ATRX: variants seen among roughly 807,000 people sequenced by gnomAD.
ATRX encodes the protein chromatin remodeler ATRX.
Under a neutral mutation model 172.6 loss-of-function variants are expected in ATRX, and 12 were observed. That is an observed-to-expected ratio of 0.07 (90% CI 0.04 to 0.11). The LOEUF (loss-of-function observed/expected upper bound fraction) is 0.11, where lower values mean the gene tolerates loss of function less well. ATRX is among the 10% of genes least tolerant of loss of function. The pLI is 1.00. For synonymous variants in ATRX, 674 were observed against 594.7 expected (o/e 1.13, Z -1.94); for missense variants, 1,368 against 1,767.4 (o/e 0.77, Z 4.05).
chrX:77,729,929 C>T (rs1260399063), intron 1 of ATRX, among the ~76,000 whole-genome samples: 7 of 111,532 alleles, frequency 6.3e-5, no homozygotes, highest in Non-Finnish European at 1.3e-4. Flanking sequence ...AGAGCAAGAC[C>T]GTCTCGGAAA....
At chrX:77,701,868 C>T (rs781964848) in intron 2 of ATRX, among the ~76,000 whole-genome samples, 21 of 110,740 alleles carry the variant, frequency 1.9e-4, no homozygotes, top group African/African-American at 6.2e-4. Context: ...GAGTTCAAGA[C>T]CAGCCTAGCC....
rs138986045 is a variant in ATRX, at chrX:77,638,333, C to T, written c.4558-2277G>A. ...AATAACAACAACAAAATTAGCCAAGCGCAGTGGCGCGCGCCTATAGTCCCA... is the reference window on the plus strand; with the variant it reads ...AATAACAACAACAAAATTAGCCAAGTGCAGTGGCGCGCGCCTATAGTCCCA... On this transcript the variant is annotated intron_variant, in intron 15 of 34. Transcript: ENST00000373344. Among the ~76,000 whole-genome samples, 84 of 112,269 alleles carry T rather than the reference C, an allele frequency of 7.5e-4. 2 individuals are homozygous for T. The East Asian group carries it at 0.021, about 29-fold the overall frequency.
chrX:77,639,128 C>T (rs2068532246), intron 15 of ATRX, among the ~76,000 whole-genome samples: 1 of 111,877 alleles, frequency 8.9e-6, no homozygotes, highest in African/African-American at 3.3e-5. Flanking sequence ...TATAAACACC[C>T]TGCATAATCC....
At chrX:77,592,719 G>A (rs1339862794) in intron 26 of ATRX, among the ~76,000 whole-genome samples, 4 of 109,192 alleles carry the variant, frequency 3.7e-5, no homozygotes, top group Non-Finnish European at 7.6e-5. Flanking sequence ...GGCTCAGGCA[G>A]GAGAATCACT....
At chrX:77,778,953 A>T (rs2076467217) in intron 1 of ATRX, among the ~76,000 whole-genome samples, 1 of 108,330 alleles carries the variant, frequency 9.2e-6, no homozygotes, top group Admixed American at 1.0e-4. Context: ...TTTGAAACGG[A>T]GTCTCGCTCT....
At chrX:77,723,639 T>G (rs1557170638) in intron 1 of ATRX, among the ~76,000 whole-genome samples, 1 of 111,693 alleles carries the variant, frequency 9.0e-6, no homozygotes, top group East Asian at 2.8e-4. Context: ...ATCAGGTCAC[T>G]GTGTCCTTAA....
Position 77,507,449 on chromosome X carries a change from A to C in ATRX, c.*902T>G, listed in dbSNP as rs1269219352. ...ACAACTTCAGTGTTAACCTACTAAA[A>C]TGCTAGAACTTGATTTTCTAAGTCC... On this transcript the variant is annotated 3_prime_UTR_variant, in exon 35 of 35. Coordinates refer to ENST00000373344, the MANE Select transcript of ATRX (RefSeq NM_000489.6). 2.3e-5 allele frequency: 4 copies of C among 172,318 alleles called. No individual in the cohort carries two copies. Among genetic ancestry groups the C allele is most frequent in the Admixed American group, 8.0e-5 (1 of 12,534 alleles). The allele number at this position is 172,318 out of a possible 1,213,427, so 14.2% of individuals were successfully genotyped here.
At chrX:77,782,582 G>A (rs1447991947) in intron 1 of ATRX, among the ~76,000 whole-genome samples, 1 of 110,299 alleles carries the variant, frequency 9.1e-6, no homozygotes, top group African/African-American at 3.3e-5. Flanking sequence ...GTGAAACCCC[G>A]TCTCTACTAA....
intron 1 of ATRX, among the ~76,000 whole-genome samples, chrX:77,724,008 C>T (rs1001031897): frequency 9.9e-5 from 11 of 111,494 alleles, no homozygotes; most frequent in African/African-American, 1.6e-4. Flanking sequence ...AGGCCAGGCA[C>T]GGTAGCTCAC....
chrX:77,652,495 AT>A, intron 14 of ATRX, 142 bp from the exon 15 acceptor site: 1 of 499,772 alleles, frequency 2.0e-6, no homozygotes, highest in Non-Finnish European at 3.0e-6. Flanking sequence ...ATAGAGTAGT[AT>A]TAAAAAAAAA....
chrX:77,684,854 T>A, intron 8 of ATRX, 85 bp downstream of exon 8: 1 of 914,442 alleles, frequency 1.1e-6, no homozygotes, highest in South Asian at 2.0e-5. Context: ...GACGATACTA[T>A]GAAAGACAAA....
intron 28 of ATRX, among the ~76,000 whole-genome samples, chrX:77,564,881 C>T (rs2065144059): frequency 9.0e-6 from 1 of 111,523 alleles, no homozygotes; most frequent in African/African-American, 3.3e-5. Context: ...CAGCTGAATC[C>T]TCACCTTTCT....
At position 77,782,039 on chromosome X, in the gene ATRX, G is replaced by T. The variant is rs782234755; in HGVS notation, c.20+3943C>A. On this transcript the variant is annotated intron_variant, in intron 1 of 34. Coordinates refer to ENST00000373344, the MANE Select transcript of ATRX (RefSeq NM_000489.6). ...AAAGCTCAAGGCCAACTATGCCAAG[G>T]GTGGCCAATAATAAAACTGGGCCTG... Among the ~76,000 whole-genome samples the T allele has an allele frequency of 6.3e-4, 71 of 111,832 alleles. 1 individual carries two copies. The highest frequency in any genetic ancestry group is 4.7e-3 in the Middle Eastern group (1 of 215).
chrX:77,622,390 C>A, intron 19 of ATRX, among the ~76,000 whole-genome samples: 1 of 111,157 alleles, frequency 9.0e-6, no homozygotes, highest in Non-Finnish European at 1.9e-5. Flanking sequence ...TGGAGAAATT[C>A]CTGACTTTAG....
chrX:77,758,998 G>A, intron 1 of ATRX, among the ~76,000 whole-genome samples: 1 of 111,499 alleles, frequency 9.0e-6, no homozygotes, highest in East Asian at 2.8e-4. Flanking sequence ...CTACTAATAA[G>A]ATACATAACA....
intron 19 of ATRX, among the ~76,000 whole-genome samples, chrX:77,623,075 G>GAAACA (rs782440629): frequency 2.7e-5 from 3 of 111,052 alleles, no homozygotes; most frequent in African/African-American, 9.8e-5. Flanking sequence ...AAATGAAATT[G>GAAACA]AAACAAAACA....
intron 17 of ATRX, 117 bp downstream of exon 17, chrX:77,634,477 T>C: frequency 1.7e-6 from 1 of 601,148 alleles, no homozygotes; most frequent in South Asian, 2.7e-5. Flanking sequence ...CAGATCTTGT[T>C]ATTCTTGTTC....
intron 1 of ATRX, among the ~76,000 whole-genome samples, chrX:77,732,740 C>A (rs782043988): frequency 9.0e-6 from 1 of 110,916 alleles, no homozygotes; most frequent in South Asian, 3.8e-4. Flanking sequence ...TGATAAAAAC[C>A]CTCAAAAAAA....
intron 1 of ATRX, among the ~76,000 whole-genome samples, chrX:77,775,827 C>A (rs1163188044): frequency 9.0e-6 from 1 of 111,136 alleles, no homozygotes; most frequent in Non-Finnish European, 1.9e-5. Context: ...CTCTGCCTCC[C>A]GGCTTCAAGC....
Sources: allele counts gnomAD v4.1 joint callset (sites outside exome capture counted in the v4.1 genomes callset), GRCh38; gene constraint gnomAD v4.1.1; transcripts MANE v1.5; gene names NCBI Gene and HGNC (gene_info 2026-07-23, HGNC 2026-07-21).